KIF26B: variants seen among roughly 807,000 people sequenced by gnomAD.
The protein encoded by KIF26B is kinesin family member 26B.
A neutral mutation model predicts 151.2 loss-of-function variants in KIF26B; 63 were observed. The observed-to-expected ratio is 0.42, with a 90% confidence interval of 0.34 to 0.51. The LOEUF (loss-of-function observed/expected upper bound fraction) is 0.51, where lower values mean the gene tolerates loss of function less well. KIF26B is among the 20% of genes least tolerant of loss of function. KIF26B has a pLI of 0.07. For missense variants in KIF26B, 2,813 were observed against 2,913.6 expected, an observed-to-expected ratio of 0.97 and a Z score of 0.79; for synonymous variants, 1,357 against 1,262.1, an observed-to-expected ratio of 1.08 and a Z score of -1.59.
chr1:245,208,590 C>A (rs991178891), intron 2 of KIF26B, among the ~76,000 whole-genome samples: 9 of 152,252 alleles, frequency 5.9e-5, no homozygotes, highest in African/African-American at 1.9e-4. Flanking sequence ...GAGGTGGAGG[C>A]CTGGGGAGGC....
chr1:245,192,857 C>T (rs879105097), intron 2 of KIF26B, among the ~76,000 whole-genome samples: 1 of 151,920 alleles, frequency 6.6e-6, no homozygotes, highest in Admixed American at 6.6e-5. Flanking sequence ...TCTAGTGTAC[C>T]CATCACCTCA....
chr1:245,289,350 C>T (rs1261282369), intron 2 of KIF26B, among the ~76,000 whole-genome samples: 1 of 152,082 alleles, frequency 6.6e-6, no homozygotes, highest in Non-Finnish European at 1.5e-5. Context: ...TTCTGTTACC[C>T]CAGGCAATTA....
chr1:245,607,805 C>T, intron 7 of KIF26B, 61 bp downstream of exon 7: 3 of 1,285,968 alleles, frequency 2.3e-6, no homozygotes, highest in Non-Finnish European at 3.3e-6. Context: ...CCATGCATTC[C>T]TCTGTCTCCC....
chr1:245,338,106 T>C (rs968709684), intron 2 of KIF26B, among the ~76,000 whole-genome samples: 1 of 152,208 alleles, frequency 6.6e-6, no homozygotes, highest in Non-Finnish European at 1.5e-5. Context: ...CGGCATGGAA[T>C]GAAATTAATT....
chr1:245,655,015 A>T (rs1052382483), intron 10 of KIF26B, among the ~76,000 whole-genome samples: 2 of 152,220 alleles, frequency 1.3e-5, no homozygotes, highest in Non-Finnish European at 2.9e-5. Flanking sequence ...CTCAGCTGGA[A>T]TTTGTGAAGT....
At chr1:245,155,823 AG>A (rs1204236414) in intron 1 of KIF26B, among the ~76,000 whole-genome samples, 2 of 152,250 alleles carry the variant, frequency 1.3e-5, no homozygotes, top group East Asian at 3.8e-4. Flanking sequence ...TGGAGCCGTG[AG>A]AGCCTCTCGT....
At chr1:245,644,752 ATC>A (rs1445122706) in intron 9 of KIF26B, among the ~76,000 whole-genome samples, 8 of 152,166 alleles carry the variant, frequency 5.3e-5, no homozygotes, top group African/African-American at 1.9e-4. Context: ...GTGCACCATT[ATC>A]TCCAATCTTT....
intron 6 of KIF26B, among the ~76,000 whole-genome samples, chr1:245,603,682 A>T (rs2043421044): frequency 1.3e-5 from 2 of 152,176 alleles, no homozygotes; most frequent in South Asian, 4.1e-4. Context: ...TTCTCAAGGC[A>T]GTTTCCAGGA....
chr1:245,498,118 G>A (rs188345399), intron 4 of KIF26B, among the ~76,000 whole-genome samples: 5 of 152,288 alleles, frequency 3.3e-5, no homozygotes, highest in Admixed American at 6.5e-5. Flanking sequence ...TTGCCATCTT[G>A]TTCCATTTCC....
intron 5 of KIF26B, among the ~76,000 whole-genome samples, chr1:245,586,657 G>T (rs1310640258): frequency 1.1e-4 from 17 of 151,990 alleles, no homozygotes; most frequent in Non-Finnish European, 2.2e-4. Context: ...GCCGAGGCGG[G>T]TGGATCATGA....
At chr1:245,487,335 G>A (rs1223262578) in intron 4 of KIF26B, among the ~76,000 whole-genome samples, 1 of 152,176 alleles carries the variant, frequency 6.6e-6, no homozygotes, top group African/African-American at 2.4e-5. Context: ...AGTGCAAAAT[G>A]AAACAGAGGG....
intron 4 of KIF26B, among the ~76,000 whole-genome samples, chr1:245,436,113 G>C (rs1193059747): frequency 2.0e-5 from 3 of 151,438 alleles, no homozygotes; most frequent in Admixed American, 6.6e-5. Context: ...GGAGGTGGAG[G>C]TTGCAGTGAG....
chr1:245,574,050 T>C (rs2043092988), intron 5 of KIF26B, among the ~76,000 whole-genome samples: 1 of 152,176 alleles, frequency 6.6e-6, no homozygotes, highest in Non-Finnish European at 1.5e-5. Flanking sequence ...AACAAAACCG[T>C]GGGTAAGGGA....
rs141230689 is a variant in KIF26B at position 245,298,846 on chromosome 1, C to T, written c.466-67988C>T. On this transcript the variant is annotated intron_variant, in intron 2 of 14. Coordinates refer to ENST00000407071, the MANE Select transcript of KIF26B (RefSeq NM_018012.4). ...TGAACAGCCTCCGCTGCCCATGATC[C>T]GCGAGCTGTTTCGCTAGCATTCCGA... 4.6e-5 allele frequency among the ~76,000 whole-genome samples: 7 copies of T among 152,278 alleles called. No homozygotes were observed. The East Asian group carries it at 1.3e-3, about 29-fold the overall frequency.
chr1:245,635,100 T>TG (rs1008824900), intron 9 of KIF26B, among the ~76,000 whole-genome samples: 1 of 145,754 alleles, frequency 6.9e-6, no homozygotes. Context: ...GTTTTTGTGT[T>TG]TTTTTTTTTT....
In KIF26B at chr1:245,516,766, G is replaced by T. The variant is rs77397152; in HGVS notation, c.1167-24001G>T. ...ATAAATCTGTAAGCTCCTTGCTTAA[G>T]TAATACGCTCCTTGACGGCCAAAAC... On this transcript the variant is annotated intron_variant, in intron 4 of 14. Coordinates refer to ENST00000407071, the MANE Select transcript of KIF26B (RefSeq NM_018012.4). The surrounding 1 kb of genome is among the most constrained non-coding windows in gnomAD (Gnocchi z 4.2). Among the ~76,000 whole-genome samples the T allele has an allele frequency of 1.1e-4, 17 of 152,306 alleles. No individual in the cohort carries two copies. In the East Asian group the frequency reaches 3.3e-3, roughly 29 times the overall value.
In KIF26B at chr1:245,572,960, T is replaced by A. The variant is rs931133184; in HGVS notation, c.1351-29617T>A. ...CTGAACAGATTCTGTAGCGTAAAAT[T>A]CTTTATAAATACACATATCAATGGA... On this transcript the variant is annotated intron_variant, in intron 5 of 14. Transcript: ENST00000407071. The surrounding 1 kb of genome is among the most constrained non-coding windows in gnomAD (Gnocchi z 4.2). Among the ~76,000 whole-genome samples, 18 of 152,158 alleles carry A rather than the reference T, an allele frequency of 1.2e-4. No homozygotes were observed. Among genetic ancestry groups the A allele is most frequent in the African/African-American group, 4.3e-4 (18 of 41,434 alleles).
At chr1:245,345,384 A>T (rs1672428305) in intron 2 of KIF26B, among the ~76,000 whole-genome samples, 1 of 152,102 alleles carries the variant, frequency 6.6e-6, no homozygotes, top group Non-Finnish European at 1.5e-5. Flanking sequence ...GTCTCTGTTT[A>T]TGCCTCTCCC....
chr1:245,700,249 G>C (rs1275651452), intron 14 of KIF26B, among the ~76,000 whole-genome samples: 1 of 152,160 alleles, frequency 6.6e-6, no homozygotes, highest in Non-Finnish European at 1.5e-5. Context: ...TGTAAAATGG[G>C]AAAAATAATG....
Sources: gnomAD v4.1 joint callset for allele counts (sites outside exome capture counted in the v4.1 genomes callset) on GRCh38, gnomAD v4.1.1 for gene constraint, Gnocchi (gnomAD v3.1) non-coding constraint, MANE v1.5 for transcripts, NCBI Gene and HGNC (gene_info 2026-07-23, HGNC 2026-07-21) for gene names.